The following NKAIN3 variants were observed in gnomAD, a reference collection of about 807,000 sequenced individuals.
The protein encoded by NKAIN3 is sodium/potassium-transporting ATPase subunit beta-1-interacting protein 3.
Under a neutral mutation model 30.2 loss-of-function variants are expected in NKAIN3, and 25 were observed. That is an observed-to-expected ratio of 0.83 (90% CI 0.60 to 1.16). The LOEUF (loss-of-function observed/expected upper bound fraction) is 1.16. Among genes scored for constraint, NKAIN3 ranks in the 50% most tolerant of loss-of-function variants. The pLI is 0.00. For synonymous variants in NKAIN3, 91 were observed against 89.6 expected, an observed-to-expected ratio of 1.02 and a Z score of -0.09; for missense variants, 225 against 254.1, an observed-to-expected ratio of 0.89 and a Z score of 0.78.
intron 3 of NKAIN3, among the ~76,000 whole-genome samples, chr8:62,716,471 C>T (rs953616865): frequency 1.3e-5 from 2 of 152,090 alleles, no homozygotes; most frequent in Non-Finnish European, 2.9e-5. Context: ...ACATTAGAAG[C>T]TATGTGGATC....
intron 4 of NKAIN3, among the ~76,000 whole-genome samples, chr8:62,775,961 A>T (rs1213299630): frequency 2.0e-5 from 3 of 152,010 alleles, no homozygotes; most frequent in African/African-American, 4.8e-5. Context: ...TTATCTGGGT[A>T]CACATATATT....
intron 1 of NKAIN3, among the ~76,000 whole-genome samples, chr8:62,559,008 C>G (rs1359463367): frequency 2.0e-5 from 3 of 151,922 alleles, no homozygotes; most frequent in Non-Finnish European, 1.5e-5. Context: ...CTATTAATTT[C>G]CAGTTTGAGT....
chr8:62,778,707 T>C (rs942038706), intron 4 of NKAIN3, among the ~76,000 whole-genome samples: 1 of 152,186 alleles, frequency 6.6e-6, no homozygotes, highest in East Asian at 1.9e-4. Context: ...TATTCCACTG[T>C]GGCCGAGCTG....
intron 4 of NKAIN3, among the ~76,000 whole-genome samples, chr8:62,752,629 G>C (rs1020249746): frequency 2.6e-5 from 4 of 152,140 alleles, no homozygotes; most frequent in Non-Finnish European, 5.9e-5. Context: ...GTGGAACAAA[G>C]ATTTCAGTAG....
chr8:62,524,342 G>T (rs1808238933), intron 1 of NKAIN3, among the ~76,000 whole-genome samples: 1 of 151,978 alleles, frequency 6.6e-6, no homozygotes, highest in Non-Finnish European at 1.5e-5. Flanking sequence ...GATTCATGTT[G>T]TCATCTCCAA....
chr8:62,455,411 G>A (rs935568690), intron 1 of NKAIN3, among the ~76,000 whole-genome samples: 8 of 152,104 alleles, frequency 5.3e-5, no homozygotes, highest in Non-Finnish European at 1.0e-4. Context: ...GTGAATTAAC[G>A]CAGGAACAGG....
chr8:62,600,637 T>G (rs567190956), intron 3 of NKAIN3, among the ~76,000 whole-genome samples: 2 of 152,232 alleles, frequency 1.3e-5, no homozygotes, highest in East Asian at 3.9e-4. Context: ...CTGCATTTGT[T>G]TCTCTATGAC....
chr8:62,559,272 A>G (rs1809495732), intron 1 of NKAIN3, among the ~76,000 whole-genome samples: 1 of 151,868 alleles, frequency 6.6e-6, no homozygotes, highest in Non-Finnish European at 1.5e-5. Flanking sequence ...TTTCCATAAT[A>G]CACTCATTTT....
At chr8:62,928,276 C>A (rs1822509489) in intron 5 of NKAIN3, among the ~76,000 whole-genome samples, 1 of 152,050 alleles carries the variant, frequency 6.6e-6, no homozygotes, top group African/African-American at 2.4e-5. Flanking sequence ...CTAGTGTTTC[C>A]ATTTTATCCA....
At chr8:62,533,902 G>A (rs1448462525) in intron 1 of NKAIN3, among the ~76,000 whole-genome samples, 1 of 152,160 alleles carries the variant, frequency 6.6e-6, no homozygotes, top group Non-Finnish European at 1.5e-5. Context: ...CAAGTTGCTA[G>A]ACATGAAAGA....
At chr8:62,449,040 A>C (rs948026557) in intron 1 of NKAIN3, among the ~76,000 whole-genome samples, 1 of 152,014 alleles carries the variant, frequency 6.6e-6, no homozygotes, top group Admixed American at 6.6e-5. Flanking sequence ...AAGATTTACT[A>C]TGAGAAAAAG....
At chr8:62,743,855 G>C (rs764162436) in intron 3 of NKAIN3, among the ~76,000 whole-genome samples, 14 of 152,218 alleles carry the variant, frequency 9.2e-5, no homozygotes, top group Non-Finnish European at 1.8e-4. Flanking sequence ...TGGCTTCTCT[G>C]TGTGGCATTT....
rs1158520589 is a variant in NKAIN3 at position 62,555,394 on chromosome 8, A to G, written c.55-24145A>G. Among the ~76,000 whole-genome samples the G allele has an allele frequency of 2.6e-5, 4 of 152,230 alleles. No individual in the cohort carries two copies. The East Asian group carries it at 7.7e-4, about 29-fold the overall frequency. ...GAGTAAAATGACTAAGCATATTTGA[A>G]TAAGAAACAAAACAGAATTAACAGA... On this transcript the variant is annotated intron_variant, in intron 1 of 6. Transcript: ENST00000623646.
chr8:62,866,798 G>A (rs1422315927), intron 4 of NKAIN3, among the ~76,000 whole-genome samples: 2 of 151,530 alleles, frequency 1.3e-5, no homozygotes, highest in African/African-American at 4.9e-5. Flanking sequence ...TCTAATCCCA[G>A]CACTTTGGGA....
At chr8:62,819,842 A>AT (rs199972726) in intron 4 of NKAIN3, among the ~76,000 whole-genome samples, 1,612 of 152,212 alleles carry the variant, frequency 0.011, 23 homozygotes, top group South Asian at 0.031. Context: ...CTGCACAATA[A>AT]TTTTTTTAAA....
chr8:62,666,440 G>A (rs866277090), intron 3 of NKAIN3, among the ~76,000 whole-genome samples: 53 of 152,092 alleles, frequency 3.5e-4, no homozygotes, highest in African/African-American at 1.2e-3. Context: ...CAAAGTCTAC[G>A]TAACCAAAAA....
intron 4 of NKAIN3, among the ~76,000 whole-genome samples, chr8:62,773,914 T>A (rs926954247): frequency 7.9e-5 from 12 of 152,332 alleles, no homozygotes; most frequent in African/African-American, 2.9e-4. Flanking sequence ...TCAATATAAA[T>A]TTTGCAATTG....
chr8:62,404,515 G>A (rs1288222235), intron 1 of NKAIN3, among the ~76,000 whole-genome samples: 1 of 152,088 alleles, frequency 6.6e-6, no homozygotes, highest in East Asian at 1.9e-4. Context: ...ATAAGATCTG[G>A]TGGTTTTACA....
chr8:62,449,214 G>T (rs2129598750), intron 1 of NKAIN3, among the ~76,000 whole-genome samples: 1 of 152,054 alleles, frequency 6.6e-6, no homozygotes, highest in Non-Finnish European at 1.5e-5. Flanking sequence ...TTCCACGATT[G>T]CACACTGTGG....
Sources: gnomAD v4.1 joint callset for allele counts (sites outside exome capture counted in the v4.1 genomes callset) on GRCh38, gnomAD v4.1.1 for gene constraint, MANE v1.5 for transcripts, NCBI Gene and HGNC (gene_info 2026-07-23, HGNC 2026-07-21) for gene names.